Variants in ZCWPW2 observed in about 807,000 individuals in gnomAD.
ZCWPW2 encodes zinc finger CW-type and PWWP domain containing 2, also known as zinc finger CW-type PWWP domain protein 2.
ZCWPW2 carries 45 observed loss-of-function variants against 46.6 expected under a neutral mutation model. The observed-to-expected ratio is 0.96, with a 90% CI of 0.76 to 1.24. ZCWPW2 has a LOEUF of 1.24. Among genes scored for constraint, ZCWPW2 ranks in the 50% most tolerant of loss-of-function variants. The probability of loss-of-function intolerance (pLI) is 0.00; values close to 1 mark genes in which losing one functional copy is unlikely to be tolerated. For synonymous variants in ZCWPW2, 152 were observed against 137.1 expected (o/e 1.11, Z -0.76); for missense variants, 429 against 403.9 (o/e 1.06, Z -0.53).
intron 3 of ZCWPW2, among the ~76,000 whole-genome samples, chr3:28,421,981 C>T (rs1696811820): frequency 6.6e-6 from 1 of 151,736 alleles, no homozygotes; most frequent in Non-Finnish European, 1.5e-5. Flanking sequence ...AGGTTTTTCT[C>T]TCCCCCATGT....
chr3:28,383,190 T>C (rs1695160206), intron 1 of ZCWPW2, among the ~76,000 whole-genome samples: 1 of 152,132 alleles, frequency 6.6e-6, no homozygotes, highest in African/African-American at 2.4e-5. Context: ...ATAAGACATC[T>C]AAAGCAGAAC....
chr3:28,490,006 A>C (rs1279728265), intron 5 of ZCWPW2, among the ~76,000 whole-genome samples: 1 of 152,176 alleles, frequency 6.6e-6, no homozygotes, highest in Non-Finnish European at 1.5e-5. Context: ...AAAGTGGGAA[A>C]AGGACATGAA....
At chr3:28,393,195 T>G (rs999892112) in intron 2 of ZCWPW2, among the ~76,000 whole-genome samples, 1 of 152,052 alleles carries the variant, frequency 6.6e-6, no homozygotes, top group Non-Finnish European at 1.5e-5. Flanking sequence ...TTGGATAAGC[T>G]GGAAGAAGTG....
chr3:28,484,494 G>A (rs936174536), intron 5 of ZCWPW2, among the ~76,000 whole-genome samples: 3 of 151,976 alleles, frequency 2.0e-5, no homozygotes, highest in Non-Finnish European at 2.9e-5. Context: ...TTCTTTTTGC[G>A]AAAATTTTAG....
At chr3:28,382,439 AT>A (rs1695141233) in intron 1 of ZCWPW2, among the ~76,000 whole-genome samples, 1 of 152,148 alleles carries the variant, frequency 6.6e-6, no homozygotes, top group African/African-American at 2.4e-5. Flanking sequence ...ACCTCATTAA[AT>A]TTAATTACCT....
chr3:28,366,033 G>T (rs1705109144), intron 1 of ZCWPW2, among the ~76,000 whole-genome samples: 1 of 151,976 alleles, frequency 6.6e-6, no homozygotes, highest in East Asian at 1.9e-4. Flanking sequence ...TCAGCTTAAG[G>T]AGATTTTGGG....
chr3:28,476,223 G>C (rs1263321998), intron 4 of ZCWPW2, among the ~76,000 whole-genome samples: 1 of 151,650 alleles, frequency 6.6e-6, no homozygotes, highest in East Asian at 1.9e-4. Flanking sequence ...TGGGAAAGAA[G>C]GCACATTCTA....
intron 1 of ZCWPW2, chr3:28,351,751 A>G (rs1424521536): frequency 6.7e-6 from 1 of 148,750 alleles, no homozygotes; most frequent in Non-Finnish European, 1.5e-5. Context: ...GTATATTCTG[A>G]GGACTGTGCT....
chr3:28,515,730 T>TCCACAGAATGTAGTTGTA lies in ZCWPW2; in HGVS notation c.784+109_784+110insCCACAGAATGTAGTTGTA, dbSNP rs1700546406. 3.8e-6 allele frequency: 3 copies of TCCACAGAATGTAGTTGTA among 795,818 alleles called. No homozygotes were observed. In the African/African-American group the frequency reaches 5.3e-5, roughly 14 times the overall value. The allele number at this position is 795,818 out of a possible 1,614,324, so 49.3% of individuals were successfully genotyped here. A position where few individuals can be genotyped will look rare whatever the true frequency, so the allele number is the denominator to read the frequency against. ...AAAAGATTTCCTGTGTGTGTGTGTG[T>TCCACAGAATGTAGTTGTA]GTGTGTGTGTGTGTGTATACACATA... On this transcript the variant is annotated intron_variant, in intron 8 of 9. Transcript: ENST00000383768.
At chr3:28,393,322 G>T (rs1272775817) in intron 2 of ZCWPW2, among the ~76,000 whole-genome samples, 3 of 152,008 alleles carry the variant, frequency 2.0e-5, no homozygotes, top group Admixed American at 1.3e-4. Flanking sequence ...TCTCATCAAA[G>T]AGATGATAAC....
chr3:28,399,780 C>A (rs569259669), intron 2 of ZCWPW2, among the ~76,000 whole-genome samples: 1 of 152,262 alleles, frequency 6.6e-6, no homozygotes, highest in South Asian at 2.1e-4. Flanking sequence ...ATCTGAGCAA[C>A]AGCAATTAAC....
intron 2 of ZCWPW2, among the ~76,000 whole-genome samples, chr3:28,394,873 AAG>A (rs1190084166): frequency 6.6e-6 from 1 of 152,142 alleles, no homozygotes; most frequent in African/African-American, 2.4e-5. Flanking sequence ...ATGTGACACC[AAG>A]TGCACAGGCA....
intron 2 of ZCWPW2, among the ~76,000 whole-genome samples, chr3:28,409,056 C>T (rs1453134163): frequency 6.6e-6 from 1 of 151,356 alleles, no homozygotes; most frequent in East Asian, 1.9e-4. Flanking sequence ...TAGAGTCTTC[C>T]ATCTTATTCA....
At chr3:28,434,584 G>A (rs1225811431) in intron 3 of ZCWPW2, among the ~76,000 whole-genome samples, 2 of 152,196 alleles carry the variant, frequency 1.3e-5, no homozygotes, top group African/African-American at 4.8e-5. Flanking sequence ...TGGAACTGCA[G>A]AGCTCTATTT....
At chr3:28,443,216 G>A (rs1320091518) in intron 4 of ZCWPW2, among the ~76,000 whole-genome samples, 1 of 152,190 alleles carries the variant, frequency 6.6e-6, no homozygotes, top group East Asian at 1.9e-4. Context: ...CTCAGAGCCA[G>A]TGTCTAGTAG....
At chr3:28,364,980 T>TA (rs1705075573) in intron 1 of ZCWPW2, among the ~76,000 whole-genome samples, 1 of 152,182 alleles carries the variant, frequency 6.6e-6, no homozygotes, top group South Asian at 2.1e-4. Flanking sequence ...CTTTGCCCAC[T>TA]TTTTGATGGG....
chr3:28,498,816 C>G (rs1700066977), intron 6 of ZCWPW2, among the ~76,000 whole-genome samples: 1 of 151,978 alleles, frequency 6.6e-6, no homozygotes, highest in Admixed American at 6.6e-5. Context: ...CACCCCCCAA[C>G]AGGCCTCAGT....
intron 5 of ZCWPW2, among the ~76,000 whole-genome samples, chr3:28,480,355 T>C (rs1166995498): frequency 6.6e-6 from 1 of 152,332 alleles, no homozygotes; most frequent in African/African-American, 2.4e-5. Context: ...GTTGGCTGCA[T>C]GTATGTCTTC....
At chr3:28,498,448 G>A (rs1489006727) in intron 6 of ZCWPW2, among the ~76,000 whole-genome samples, 1 of 151,810 alleles carries the variant, frequency 6.6e-6, no homozygotes, top group Non-Finnish European at 1.5e-5. Context: ...TAATTACCCT[G>A]TATGATTTTT....
Sources: allele counts gnomAD v4.1 joint callset (sites outside exome capture counted in the v4.1 genomes callset), GRCh38; gene constraint gnomAD v4.1.1; transcripts MANE v1.5; gene names NCBI Gene and HGNC (gene_info 2026-07-23, HGNC 2026-07-21).